Variants in PGM3 observed in about 807,000 individuals in gnomAD.
PGM3 encodes the protein phosphoglucomutase 3.
Under a neutral mutation model 66.2 loss-of-function variants are expected in PGM3, and 40 were observed. The observed-to-expected ratio is 0.60, with a 90% CI of 0.47 to 0.79. The LOEUF (loss-of-function observed/expected upper bound fraction) is 0.79. Ranked by LOEUF, PGM3 falls within the 30% of genes least tolerant of loss-of-function variation. The pLI, the probability that PGM3 is intolerant of heterozygous loss-of-function variation, is 0.00. For missense variants in PGM3, 537 were observed against 643.4 expected (o/e 0.83, Z 1.79); for synonymous variants, 191 against 224.2 (o/e 0.85, Z 1.32).
At chr6:83,164,710 C>CA (rs773904572), downstream of PGM3, 111 of 1,590,922 alleles carry the variant, frequency 7.0e-5, no homozygotes, top group Non-Finnish European at 9.0e-5. Context: ...TGGAGATGGC[C>CA]AAGCATCAGG....
At chr6:83,191,035 G>A (rs1343904814) in intron 1 of PGM3, 21 bp from the exon 2 acceptor site, 4 of 1,598,796 alleles carry the variant, frequency 2.5e-6, no homozygotes, top group East Asian at 4.5e-5. Context: ...AAGAAATATT[G>A]TTTCGGGCAT....
intron 1 of PGM3, among the ~76,000 whole-genome samples, chr6:83,192,049 G>A (rs1022751888): frequency 2.0e-5 from 3 of 150,962 alleles, no homozygotes; most frequent in Non-Finnish European, 2.9e-5. Context: ...GGCGGATCAC[G>A]AGGTCAGGAA....
chr6:83,174,576 C>A, intron 9 of PGM3, 89 bp from the exon 10 acceptor site: 1 of 608,186 alleles, frequency 1.6e-6, no homozygotes, highest in Non-Finnish European at 2.8e-6. Context: ...ACTTTTCCCT[C>A]CTAGTCAATC....
In PGM3 at chr6:83,173,589, C is replaced by T. The variant is rs111386261; in HGVS notation, c.1242+785G>A. On this transcript the variant is annotated intron_variant, in intron 10 of 12. Coordinates refer to ENST00000513973, the MANE Select transcript of PGM3 (RefSeq NM_015599.3). ...TCCCTGTGTTACTGTAAGGATTACACAGCAAGGTATATAAAGTGTCCAGTG... is the reference window on the plus strand; with the variant it reads ...TCCCTGTGTTACTGTAAGGATTACATAGCAAGGTATATAAAGTGTCCAGTG... Among the ~76,000 whole-genome samples the T allele has an allele frequency of 8.1e-3, 1,239 of 152,242 alleles. 21 individuals are homozygous for T. Among genetic ancestry groups the T allele is most frequent in the African/African-American group, 0.028 (1,161 of 41,518 alleles).
the PGM3 span, among the ~76,000 whole-genome samples, chr6:83,155,454 ACCATCTCAAAG>A: frequency 6.6e-6 from 1 of 152,042 alleles, no homozygotes; most frequent in African/African-American, 2.4e-5. Context: ...AGAGGAAGAT[ACCATCTCAAAG>A]AAAAATACAA....
chr6:83,158,000 T>C (rs1343116902), downstream of PGM3, among the ~76,000 whole-genome samples: 2 of 148,344 alleles, frequency 1.3e-5, no homozygotes, highest in South Asian at 2.1e-4. Flanking sequence ...TTATTTTTCC[T>C]TTTTTTTTTG....
In PGM3 at chr6:83,169,053, T is replaced by G; in HGVS notation, c.*181A>C. 2 of 1,404,724 alleles carry G rather than the reference T, an allele frequency of 1.4e-6. No individual in the cohort carries two copies. Among genetic ancestry groups the G allele is most frequent in the Non-Finnish European group, 9.2e-7 (1 of 1,082,130 alleles). 87.0% of individuals were successfully genotyped at this position (1,404,724 alleles called of 1,614,324 possible). ...TAGAGGTAAATTTCTTTAACAAGTG[T>G]AAGGCTTACCTATTTATAAAGAATT... On this transcript the variant is annotated 3_prime_UTR_variant, in exon 13 of 13. Transcript: ENST00000513973.
chr6:83,164,680 G>A, downstream of PGM3: 1 of 1,586,672 alleles, frequency 6.3e-7, no homozygotes, highest in Middle Eastern at 1.7e-4. Flanking sequence ...AGGACTTTAA[G>A]ACAGTGATTT....
intron 3 of PGM3, among the ~76,000 whole-genome samples, chr6:83,187,444 G>A (rs1360664338): frequency 6.6e-6 from 1 of 152,178 alleles, no homozygotes; most frequent in East Asian, 1.9e-4. Flanking sequence ...CTTGTATTAA[G>A]CTGCCAAGGA....
the PGM3 span, among the ~76,000 whole-genome samples, chr6:83,154,619 C>G: frequency 1.3e-5 from 2 of 152,060 alleles, 1 homozygote; most frequent in South Asian, 4.1e-4. Flanking sequence ...TGGTGAAGTG[C>G]AAAAGGCAGG....
chr6:83,149,605 T>C, the PGM3 span, among the ~76,000 whole-genome samples: 1 of 152,066 alleles, frequency 6.6e-6, no homozygotes, highest in Admixed American at 6.6e-5. Flanking sequence ...GAATGTGGTC[T>C]TGAAAGGGAG....
intron 8 of PGM3, among the ~76,000 whole-genome samples, chr6:83,176,442 T>C (rs755119082): frequency 6.6e-6 from 1 of 152,236 alleles, no homozygotes; most frequent in African/African-American, 2.4e-5. Context: ...GCAGGCCATA[T>C]GGTCTCTGTC....
chr6:83,156,266 C>T (rs549411974), downstream of PGM3, among the ~76,000 whole-genome samples: 1 of 152,222 alleles, frequency 6.6e-6, no homozygotes, highest in Non-Finnish European at 1.5e-5. Context: ...ATGCTGGCAT[C>T]TAAAAGAAAT....
chr6:83,184,052 C>T (rs144239006), intron 4 of PGM3, among the ~76,000 whole-genome samples: 1,612 of 152,046 alleles, frequency 0.011, 38 homozygotes, highest in African/African-American at 0.036. Flanking sequence ...CAGCCAGTGC[C>T]CCAGGTACCC....
the PGM3 span, chr6:83,154,092 A>G: frequency 1.2e-6 from 2 of 1,612,868 alleles, no homozygotes; most frequent in Non-Finnish European, 1.7e-6. Context: ...TCACAGTCTG[A>G]TGAAATCAGC....
At chr6:83,178,144 T>C (rs1787914970) in intron 8 of PGM3, among the ~76,000 whole-genome samples, 1 of 152,198 alleles carries the variant, frequency 6.6e-6, no homozygotes, top group South Asian at 2.1e-4. Context: ...AAACCACCAT[T>C]TGTCACACAC....
the PGM3 span, chr6:83,153,948 T>C: frequency 5.0e-6 from 8 of 1,614,060 alleles, no homozygotes; most frequent in East Asian, 1.1e-4. Flanking sequence ...GCAGTCTTAG[T>C]GGGTATCAGT....
intron 10 of PGM3, among the ~76,000 whole-genome samples, chr6:83,173,356 G>A (rs1389076905): frequency 6.6e-6 from 1 of 152,168 alleles, no homozygotes; most frequent in Non-Finnish European, 1.5e-5. Context: ...TTTATAAAAT[G>A]AAATTAGACT....
At chr6:83,158,596 A>G (rs1421218038), downstream of PGM3, 1 of 1,608,326 alleles carries the variant, frequency 6.2e-7, no homozygotes, top group African/African-American at 1.3e-5. Flanking sequence ...TGGAGCAGGA[A>G]CTCACTGCTG....
Sources: gnomAD v4.1 joint callset for allele counts (sites outside exome capture counted in the v4.1 genomes callset) on GRCh38, gnomAD v4.1.1 for gene constraint, MANE v1.5 for transcripts, NCBI Gene and HGNC (gene_info 2026-07-23, HGNC 2026-07-21) for gene names.